The following SNRPG variants were observed in gnomAD, a reference collection of about 807,000 sequenced individuals.
SNRPG encodes the protein small nuclear ribonucleoprotein G.
SNRPG carries 3 observed loss-of-function variants against 13.9 expected under a neutral mutation model. The ratio of observed to expected loss-of-function variants is 0.22; its 90% CI spans 0.10 to 0.56. The LOEUF is 0.56. SNRPG is among the 20% of genes least tolerant of loss of function. The pLI, the probability that SNRPG is intolerant of heterozygous loss-of-function variation, is 0.93. For missense variants in SNRPG, 34 were observed against 96.1 expected (o/e 0.35, Z 2.70); for synonymous variants, 29 against 29.3 (o/e 0.99, Z 0.03).
intron 2 of SNRPG, 124 bp from the exon 3 acceptor site, chr2:70,288,316 G>T: frequency 1.4e-6 from 1 of 731,448 alleles, no homozygotes; most frequent in Non-Finnish European, 2.3e-6. Flanking sequence ...CTTACTGTAT[G>T]ACAAGAACTG....
intron 1 of SNRPG, 43 bp downstream of exon 1, chr2:70,293,575 G>A (rs754811913): frequency 1.4e-5 from 22 of 1,551,978 alleles, no homozygotes; most frequent in Non-Finnish European, 1.9e-5. Context: ...CTCGCAGGAC[G>A]CAAATAACTG....
At chr2:70,283,651 CAT>C (rs1411571464) in intron 3 of SNRPG, among the ~76,000 whole-genome samples, 4 of 152,096 alleles carry the variant, frequency 2.6e-5, no homozygotes, top group African/African-American at 4.8e-5. Flanking sequence ...AAAGAACTCA[CAT>C]GTGATTACTG....
Position 70,285,582 on chromosome 2 carries a change from G to A in SNRPG, c.180+2486C>T, listed in dbSNP as rs536100207. ...GTGAGACTCTGTCATACACACGCGC[G>A]TGCACACACACACACACAGAAATTT... On this transcript the variant is annotated intron_variant, in intron 3 of 3. Transcript: ENST00000272348. Among the ~76,000 whole-genome samples, 12 of 152,024 alleles carry A rather than the reference G, an allele frequency of 7.9e-5. No individual in the cohort carries two copies. In the East Asian group the frequency reaches 1.5e-3, roughly 20 times the overall value.
intron 3 of SNRPG, among the ~76,000 whole-genome samples, chr2:70,286,961 GCCTTATTCAACA>G (rs1327298946): frequency 2.6e-5 from 4 of 152,202 alleles, no homozygotes; most frequent in Non-Finnish European, 4.4e-5. Context: ...CATGCTGGCA[GCCTTATTCAACA>G]GAAGCTCACA....
chr2:70,293,140 C>T (rs1697146115), intron 1 of SNRPG: 3 of 702,288 alleles, frequency 4.3e-6, no homozygotes, highest in African/African-American at 1.7e-5. Flanking sequence ...TAAGTAAAAG[C>T]TCAAACACCT....
Position 70,281,430 on chromosome 2 carries a change from C to T in SNRPG, c.*204G>A, listed in dbSNP as rs1257339351. 4 of 404,446 alleles carry T rather than the reference C, an allele frequency of 9.9e-6. No homozygotes were observed. The highest frequency in any genetic ancestry group is 1.8e-5 in the Non-Finnish European group (4 of 219,908). The allele number at this position is 404,446 out of a possible 1,614,324, so 25.1% of individuals were successfully genotyped here. A position where few individuals can be genotyped will look rare whatever the true frequency, so the allele number is the denominator to read the frequency against. Reference sequence around the variant, plus strand: ...GCATAAAACCCTTTGAAATCAATGTCAACCAGGAAAATTCATGTTAGAAAA... The same window carrying T: ...GCATAAAACCCTTTGAAATCAATGTTAACCAGGAAAATTCATGTTAGAAAA... On this transcript the variant is annotated 3_prime_UTR_variant, in exon 4 of 4. Coordinates refer to ENST00000272348, the MANE Select transcript of SNRPG (RefSeq NM_003096.4).
chr2:70,289,450 G>T, intron 1 of SNRPG, 78 bp from the exon 2 acceptor site: 1 of 720,326 alleles, frequency 1.4e-6, no homozygotes, highest in Non-Finnish European at 2.3e-6. Context: ...GTATAGTTAA[G>T]ATAATTTGCT....
At chr2:70,292,093 G>T (rs1206155418) in intron 1 of SNRPG, among the ~76,000 whole-genome samples, 1 of 151,496 alleles carries the variant, frequency 6.6e-6, no homozygotes, top group Non-Finnish European at 1.5e-5. Flanking sequence ...GACTACAAGC[G>T]CCCGCCACCA....
At chr2:70,283,122 A>C (rs59822962) in intron 3 of SNRPG, among the ~76,000 whole-genome samples, 7,618 of 82,778 alleles carry the variant, frequency 0.092, 1,007 homozygotes, top group East Asian at 0.2. Flanking sequence ...AAAAAAAAAA[A>C]AACAACAAAC....
chr2:70,293,314 T>C (rs1037688480), intron 1 of SNRPG: 2 of 664,852 alleles, frequency 3.0e-6, no homozygotes, highest in African/African-American at 3.6e-5. Context: ...CAACAAAAGG[T>C]AGCACTGGAG....
intron 1 of SNRPG, 57 bp from the exon 2 acceptor site, chr2:70,289,429 CAAGTA>C: frequency 2.3e-6 from 2 of 878,054 alleles, no homozygotes; most frequent in Non-Finnish European, 3.6e-6. Flanking sequence ...TAAGCATAAA[CAAGTA>C]AATAGGTATA....
At chr2:70,293,435 G>T in intron 1 of SNRPG, 183 bp downstream of exon 1, 2 of 680,482 alleles carry the variant, frequency 2.9e-6, no homozygotes, top group Non-Finnish European at 2.7e-6. Flanking sequence ...CCACACCGAC[G>T]CGCGAGCTCT....
rs567058719 is a variant in SNRPG, at chr2:70,290,773, G to C, written c.33-1401C>G. ...GGCCAAGGCGGGCGGATCACCTGAGGTCGGGAGTTCGAGACCAGCCTGATC... is the reference window on the plus strand; with the variant it reads ...GGCCAAGGCGGGCGGATCACCTGAGCTCGGGAGTTCGAGACCAGCCTGATC... On this transcript the variant is annotated intron_variant, in intron 1 of 3. Coordinates refer to ENST00000272348, the MANE Select transcript of SNRPG (RefSeq NM_003096.4). 1.3e-3 allele frequency among the ~76,000 whole-genome samples: 176 copies of C among 136,500 alleles called. 1 individual carries two copies. Among genetic ancestry groups the C allele is most frequent in the Middle Eastern group, 0.012 (3 of 244 alleles). 89.5% of individuals were successfully genotyped at this position (136,500 alleles called of 152,430 possible).
intron 1 of SNRPG, among the ~76,000 whole-genome samples, chr2:70,290,367 A>G (rs192424884): frequency 5.3e-5 from 8 of 152,258 alleles, no homozygotes; most frequent in Admixed American, 2.0e-4. Flanking sequence ...ACATTTAAGT[A>G]TATTTTAGAA....
At chr2:70,286,714 T>C (rs1280987393) in intron 3 of SNRPG, among the ~76,000 whole-genome samples, 3 of 152,206 alleles carry the variant, frequency 2.0e-5, no homozygotes, top group Admixed American at 6.5e-5. Flanking sequence ...GGATGCTCTA[T>C]TCCTTCTCTG....
chr2:70,286,526 T>C lies in SNRPG; in HGVS notation c.180+1542A>G, dbSNP rs552048088. Among the ~76,000 whole-genome samples, 27 of 152,202 alleles carry C rather than the reference T, an allele frequency of 1.8e-4. No homozygotes were observed. The South Asian group carries it at 4.1e-3, about 23-fold the overall frequency. ...GTCTGCTGATAAAAACTTTTTTTTT[T>C]CTTTGGCTGGGGGTTGGGGGGCGTG... On this transcript the variant is annotated intron_variant, in intron 3 of 3. Coordinates refer to ENST00000272348, the MANE Select transcript of SNRPG (RefSeq NM_003096.4).
chr2:70,282,433 TG>T (rs1196727541), intron 3 of SNRPG, among the ~76,000 whole-genome samples: 1 of 152,154 alleles, frequency 6.6e-6, no homozygotes, highest in Non-Finnish European at 1.5e-5. Context: ...GGCAGAATTT[TG>T]AAAAGGAGAT....
At chr2:70,286,596 C>T (rs894861476) in intron 3 of SNRPG, among the ~76,000 whole-genome samples, 4 of 152,040 alleles carry the variant, frequency 2.6e-5, no homozygotes, top group African/African-American at 9.7e-5. Flanking sequence ...CTGCCCAACA[C>T]ACTAAGTAGG....
At chr2:70,293,105 A>C (rs1697144500) in intron 1 of SNRPG, 2 of 702,376 alleles carry the variant, frequency 2.8e-6, no homozygotes, top group Non-Finnish European at 5.2e-6. Context: ...ACGTAAAAGA[A>C]GGCAAGAAAA....
Sources: gnomAD v4.1 joint callset for allele counts (sites outside exome capture counted in the v4.1 genomes callset) on GRCh38, gnomAD v4.1.1 for gene constraint, MANE v1.5 for transcripts, NCBI Gene and HGNC (gene_info 2026-07-23, HGNC 2026-07-21) for gene names.